Variants in TRAPPC9 observed in about 807,000 individuals in gnomAD.
TRAPPC9 encodes the protein trafficking protein particle complex subunit 9, also known as IKK2 binding protein.
A neutral mutation model predicts 124.0 loss-of-function variants in TRAPPC9; 83 were observed. The ratio of observed to expected loss-of-function variants is 0.67; its 90% confidence interval spans 0.56 to 0.80. TRAPPC9 has a LOEUF of 0.80. TRAPPC9 is among the 30% of genes least tolerant of loss of function. TRAPPC9 has a pLI of 0.00. For synonymous variants in TRAPPC9, 638 were observed against 617.5 expected (o/e 1.03, Z -0.49); for missense variants, 1,302 against 1,508.3 (o/e 0.86, Z 2.27).
At chr8:140,401,953 T>A (rs2069292777) in intron 6 of TRAPPC9, among the ~76,000 whole-genome samples, 1 of 151,884 alleles carries the variant, frequency 6.6e-6, no homozygotes, top group Non-Finnish European at 1.5e-5. Flanking sequence ...AATTAATTCT[T>A]TCCTACCATC....
chr8:140,122,908 G>A (rs1356479176), intron 17 of TRAPPC9, among the ~76,000 whole-genome samples: 5 of 152,214 alleles, frequency 3.3e-5, no homozygotes, highest in African/African-American at 4.8e-5. Context: ...CAGCCATCCC[G>A]AGCACGAGGT....
chr8:140,266,577 G>C (rs1251145766), intron 15 of TRAPPC9, among the ~76,000 whole-genome samples: 1 of 151,964 alleles, frequency 6.6e-6, no homozygotes, highest in Admixed American at 6.5e-5. Flanking sequence ...TCATCTCTGT[G>C]GCCGGGTGCA....
chr8:140,419,720 C>T (rs1380802908), intron 5 of TRAPPC9, among the ~76,000 whole-genome samples: 2 of 151,432 alleles, frequency 1.3e-5, no homozygotes, highest in Non-Finnish European at 2.9e-5. Context: ...CCCGTCTCTA[C>T]TAAAAATACA....
At position 140,443,246 on chromosome 8, in the gene TRAPPC9, T is replaced by C. The variant is rs182177526; in HGVS notation, c.585-4049A>G. ...GTCAGGAGATCGAGACCATCCTGGC[T>C]AACATGATGAAACCCCGTCTCTACT... On this transcript the variant is annotated intron_variant, in intron 2 of 22. Transcript: ENST00000438773. 3.6e-3 allele frequency among the ~76,000 whole-genome samples: 524 copies of C among 145,884 alleles called. 2 individuals carry two copies. Among genetic ancestry groups the C allele is most frequent in the East Asian group, 0.011 (54 of 4,776 alleles).
At chr8:139,894,564 G>C (rs188704196) in intron 20 of TRAPPC9, among the ~76,000 whole-genome samples, 18 of 152,256 alleles carry the variant, frequency 1.2e-4, no homozygotes, top group Middle Eastern at 3.4e-3. Flanking sequence ...CGGAGGGAGG[G>C]GGGGGCTGCT....
chr8:139,741,725 G>A (rs952146459), intron 21 of TRAPPC9, among the ~76,000 whole-genome samples: 15 of 151,778 alleles, frequency 9.9e-5, no homozygotes, highest in African/African-American at 1.2e-4. Flanking sequence ...CTCCTTTCCC[G>A]CACCATACAT....
chr8:140,427,053 G>A (rs566395814), intron 4 of TRAPPC9, among the ~76,000 whole-genome samples: 1 of 150,546 alleles, frequency 6.6e-6, no homozygotes, highest in African/African-American at 2.4e-5. Flanking sequence ...AGCCTCCCAA[G>A]TAGCTGGGAC....
intron 17 of TRAPPC9, among the ~76,000 whole-genome samples, chr8:140,123,404 A>G (rs1002250568): frequency 1.3e-5 from 2 of 152,202 alleles, no homozygotes; most frequent in African/African-American, 4.8e-5. Context: ...TCAAATGCAG[A>G]CCTCAGACCC....
chr8:140,095,877 G>A (rs528740038), intron 17 of TRAPPC9: 21 of 152,254 alleles, frequency 1.4e-4, no homozygotes, highest in South Asian at 4.1e-4. Context: ...GTGCCTCTCC[G>A]AGGTGCAGAC....
intron 21 of TRAPPC9, among the ~76,000 whole-genome samples, chr8:139,818,005 A>C (rs1243028734): frequency 6.6e-6 from 1 of 152,228 alleles, no homozygotes; most frequent in Non-Finnish European, 1.5e-5. Flanking sequence ...TACCGTGTGT[A>C]CCAGTATATG....
Position 140,257,624 on chromosome 8 carries a change from G to A in TRAPPC9, c.2279-4695C>T, listed in dbSNP as rs566328074. Among the ~76,000 whole-genome samples the A allele has an allele frequency of 3.3e-5, 5 of 152,246 alleles. No individual in the cohort carries two copies. The East Asian group carries it at 9.7e-4, about 29-fold the overall frequency. On this transcript the variant is annotated intron_variant, in intron 15 of 22. Transcript: ENST00000438773. This position sits in a 1 kb window ranked among gnomAD's most constrained non-coding sequence, Gnocchi z 4.6. ...AGCATGGGGGGTCCCTGAATATGCCGAATGCTTTCTTAAGTCCAGAACTCT... is the reference window on the plus strand; with the variant it reads ...AGCATGGGGGGTCCCTGAATATGCCAAATGCTTTCTTAAGTCCAGAACTCT...
chr8:139,861,834 C>A (rs1212708825), intron 21 of TRAPPC9, among the ~76,000 whole-genome samples: 1 of 152,138 alleles, frequency 6.6e-6, no homozygotes, highest in Admixed American at 6.5e-5. Flanking sequence ...TGCTGCATCA[C>A]TCCATCCCCC....
At position 140,457,534 on chromosome 8, in the gene TRAPPC9, G is replaced by C. The variant is rs932312778; in HGVS notation, c.-11+105C>G. On this transcript the variant is annotated intron_variant, in intron 1 of 22. Transcript: ENST00000438773. Reference sequence around the variant, plus strand: ...GGCTCCGCCCGGACAGGTGAGGGCCGGGCGAGCCCCTCCGCGGGACGCGCC... The same window carrying C: ...GGCTCCGCCCGGACAGGTGAGGGCCCGGCGAGCCCCTCCGCGGGACGCGCC... The C allele has an allele frequency of 6.2e-5, 56 of 909,814 alleles. No homozygotes were observed. In the Admixed American group the frequency reaches 2.1e-3, roughly 34 times the overall value. 56.4% of individuals were successfully genotyped at this position (909,814 alleles called of 1,614,324 possible). A position where few individuals can be genotyped will look rare whatever the true frequency, so the allele number is the denominator to read the frequency against.
chr8:140,259,050 C>T (rs2064336413), intron 15 of TRAPPC9, among the ~76,000 whole-genome samples: 1 of 152,210 alleles, frequency 6.6e-6, no homozygotes, highest in Non-Finnish European at 1.5e-5. Context: ...CAGCAGAGGG[C>T]TCTCAGGCTC....
intron 20 of TRAPPC9, among the ~76,000 whole-genome samples, chr8:139,905,276 A>C (rs1831283237): frequency 6.6e-6 from 1 of 152,200 alleles, no homozygotes; most frequent in Non-Finnish European, 1.5e-5. Context: ...CTTTAAAATC[A>C]GCAGGCTGAT....
At chr8:140,083,944 C>G (rs1451179807) in intron 17 of TRAPPC9, among the ~76,000 whole-genome samples, 1 of 152,166 alleles carries the variant, frequency 6.6e-6, no homozygotes, top group African/African-American at 2.4e-5. Flanking sequence ...GGATTACAGG[C>G]ATGAGCGCCG....
chr8:140,252,085 C>T lies in TRAPPC9; in HGVS notation c.2431+692G>A, dbSNP rs1215310159. ...TGTTGCCCAGGCTGGAGTGCAGTGG[C>T]GTGATCTCGACTCACTGCAACCTCC... On this transcript the variant is annotated intron_variant, in intron 16 of 22. Transcript: ENST00000438773. This position sits in a 1 kb window ranked among gnomAD's most constrained non-coding sequence, Gnocchi z 4.2. 6.6e-6 allele frequency among the ~76,000 whole-genome samples: 1 copy of T among 150,866 alleles called. No homozygotes were observed. Among genetic ancestry groups the T allele is most frequent in the Non-Finnish European group, 1.5e-5 (1 of 67,888 alleles).
chr8:140,455,879 T>C (rs138748718), intron 1 of TRAPPC9, among the ~76,000 whole-genome samples: 3,082 of 152,274 alleles, frequency 0.02, 51 homozygotes, highest in Middle Eastern at 0.075. Context: ...CATGAATAAC[T>C]TTAGAGCACT....
At chr8:139,760,204 GGTGGACGTGGACCCTTCGCTCTCCA>G (rs1820127415) in intron 21 of TRAPPC9, among the ~76,000 whole-genome samples, 2 of 152,148 alleles carry the variant, frequency 1.3e-5, no homozygotes, top group African/African-American at 2.4e-5. Context: ...GGGGAAGGAG[GGTGGACGTGGACCCTTCGCTCTCCA>G]TCCTTGGAAT....
Sources: allele counts gnomAD v4.1 joint callset (sites outside exome capture counted in the v4.1 genomes callset), GRCh38; gene constraint gnomAD v4.1.1; non-coding constraint Gnocchi (gnomAD v3.1); transcripts MANE v1.5; gene names NCBI Gene and HGNC (gene_info 2026-07-23, HGNC 2026-07-21).